The following DNAH10 variants were observed in gnomAD, a reference collection of about 807,000 sequenced individuals.
DNAH10 encodes the protein axonemal beta dynein heavy chain 10.
A neutral mutation model predicts 506.6 loss-of-function variants in DNAH10; 348 were observed. That is an observed-to-expected ratio of 0.69 (90% CI 0.63 to 0.75). The LOEUF is 0.75. DNAH10 is among the 30% of genes least tolerant of loss of function. DNAH10 has a pLI of 0.00. For missense variants in DNAH10, 5,179 were observed against 5,787.1 expected (o/e 0.89, Z 3.41); for synonymous variants, 2,059 against 2,198.6 (o/e 0.94, Z 1.78).
rs191831342 is a variant in DNAH10 at position 123,790,766 on chromosome 12, G to A, written c.1815+645G>A. 7.6e-4 allele frequency among the ~76,000 whole-genome samples: 115 copies of A among 152,286 alleles called. 1 individual carries two copies. Among genetic ancestry groups the A allele is most frequent in the Non-Finnish European group, 1.5e-3 (99 of 68,026 alleles). On this transcript the variant is annotated intron_variant, in intron 11 of 78. Coordinates refer to ENST00000673944, the MANE Select transcript of DNAH10 (RefSeq NM_001372106.1). ...TGATGAACAAAGAGGACAGGAGTGA[G>A]GAAGGAGACTTACTTCAGTAGGCAA...
Position 123,933,456 on chromosome 12 carries a change from C to A in DNAH10, c.13422C>A (p.Phe4474Leu). ...NGWPLDRSTL[F>L]TQVTKFQDAD... ...GGCCACTGGACCGCTCCACCTTGTT[C>A]ACACAAGTGACCAAGTTCCAGGATG... Residue 4474 changes from phenylalanine (F) to leucine (L), a missense_variant, in exon 77 of 79, where the codon TTC becomes TTA. Coordinates refer to ENST00000673944, the MANE Select transcript of DNAH10 (RefSeq NM_001372106.1). 2 of 1,612,610 alleles carry A rather than the reference C, an allele frequency of 1.2e-6. No individual in the cohort carries two copies. The highest frequency in any genetic ancestry group is 1.7e-6 in the Non-Finnish European group (2 of 1,179,580).
At chr12:123,802,974 C>T (rs921090240) in intron 16 of DNAH10, among the ~76,000 whole-genome samples, 1 of 151,998 alleles carries the variant, frequency 6.6e-6, no homozygotes, top group Non-Finnish European at 1.5e-5. Context: ...TCTAGATACT[C>T]GTCTTTTATT....
In DNAH10 at chr12:123,887,331, G is replaced by C; in HGVS notation, c.8995+18G>C. 6.2e-7 allele frequency: 1 copy of C among 1,607,906 alleles called. No homozygotes were observed. Among genetic ancestry groups the C allele is most frequent in the Non-Finnish European group, 8.5e-7 (1 of 1,177,816 alleles). ...GACCTCAGGTACAGCCAAGGCTGGCGCCCGCTGTGGCCAACACCCCGCTCA... is the reference window on the plus strand; with the variant it reads ...GACCTCAGGTACAGCCAAGGCTGGCCCCCGCTGTGGCCAACACCCCGCTCA... On this transcript the variant is annotated intron_variant, in intron 52 of 78. Coordinates refer to ENST00000673944, the MANE Select transcript of DNAH10 (RefSeq NM_001372106.1).
In DNAH10 at chr12:123,935,379, C is replaced by T. The variant is rs750482067; in HGVS notation, c.13668C>T (p.Asn4556=). The change falls in exon 79 of 79, where the codon AAC becomes AAT. Residue 4556 remains asparagine (N), a synonymous_variant. Transcript: ENST00000673944. The part of the protein sequence containing the change: ...TPVYTTSMRR[N]AMGVGLVFEA... The stretch of plus-strand genomic sequence containing the variant: ...TCTACACCACCTCCATGAGAAGGAA[C>T]GCCATGGGAGTCGGCTTGGTTTTTG... 7.8e-5 allele frequency: 125 copies of T among 1,611,566 alleles called. No homozygotes were observed. The highest frequency in any genetic ancestry group is 9.7e-5 in the Non-Finnish European group (114 of 1,177,874).
At chr12:123,793,485 C>T (rs530198974) in intron 11 of DNAH10, among the ~76,000 whole-genome samples, 24 of 151,922 alleles carry the variant, frequency 1.6e-4, no homozygotes, top group Admixed American at 1.3e-4. Flanking sequence ...ACTACAGGCG[C>T]CCACCACCAT....
At chr12:123,831,664 G>A (rs1960558730) in intron 26 of DNAH10, among the ~76,000 whole-genome samples, 1 of 152,172 alleles carries the variant, frequency 6.6e-6, no homozygotes, top group African/African-American at 2.4e-5. Flanking sequence ...AGGCCGAGGA[G>A]GGTGGATCAC....
rs533314912 is a variant in DNAH10 at position 123,845,742 on chromosome 12, C to T, written c.5503C>T (p.Arg1835Trp). The change falls in exon 31 of 79, where the codon CGG (arginine) becomes TGG (tryptophan). Residue 1835 changes from arginine to tryptophan, a missense_variant. Coordinates refer to ENST00000673944, the MANE Select transcript of DNAH10 (RefSeq NM_001372106.1). ...GAAGAACTATGGCAGGAAAATGCAC[C>T]GGCAGATCGATGAGTTGGTAACGCG... ...AMKNYGRKMH[R>W]QIDELVTRIT... 75 of 1,613,820 alleles carry T rather than the reference C, an allele frequency of 4.6e-5. 2 individuals carry two copies. The highest frequency in any genetic ancestry group is 4.5e-4 in the South Asian group (41 of 91,068).
At chr12:123,885,415 A>G (rs539588293) in intron 51 of DNAH10, among the ~76,000 whole-genome samples, 2 of 152,222 alleles carry the variant, frequency 1.3e-5, no homozygotes, top group East Asian at 3.9e-4. Flanking sequence ...TTGTTTTCTT[A>G]TTACTAACAG....
chr12:123,853,364 G>A lies in DNAH10; in HGVS notation c.6438+12G>A, dbSNP rs374994667. On this transcript the variant is annotated intron_variant, in intron 36 of 78. Transcript: ENST00000673944. The surrounding 1 kb of genome is among the most constrained non-coding windows in gnomAD (Gnocchi z 4.7). ...CTGACCTTAGGGAGGTAGGGGCCACGTGCTGGAACATTCTCTGGTTTCAGC... is the reference window on the plus strand; with the variant it reads ...CTGACCTTAGGGAGGTAGGGGCCACATGCTGGAACATTCTCTGGTTTCAGC... The A allele has an allele frequency of 1.0e-5, 16 of 1,606,870 alleles. No homozygotes were observed. Among genetic ancestry groups the A allele is most frequent in the African/African-American group, 9.4e-5 (7 of 74,638 alleles).
intron 32 of DNAH10, among the ~76,000 whole-genome samples, chr12:123,847,248 A>G (rs534465901): frequency 2.7e-5 from 4 of 149,298 alleles, no homozygotes; most frequent in South Asian, 2.1e-4. Flanking sequence ...CTATCTATCT[A>G]TCTATCTATC....
intron 28 of DNAH10, among the ~76,000 whole-genome samples, chr12:123,837,581 CTTT>C (rs558570026): frequency 7.1e-6 from 1 of 141,606 alleles, no homozygotes. Context: ...TATGATTGTT[CTTT>C]TTTTTTTTTA....
chr12:123,801,304 T>C lies in DNAH10; in HGVS notation c.2486T>C (p.Met829Thr). The change falls in exon 16 of 79, where the codon ATG (methionine) becomes ACG (threonine). Residue 829 changes from methionine (M) to threonine (T), a missense_variant. Met to Thr is a moderately conservative substitution (Grantham distance 81). Transcript: ENST00000673944. Reference protein sequence around the residue: ...FLRYTAGIQRMLDHYHMLIGT... With the variant: ...FLRYTAGIQRTLDHYHMLIGT... ...AGGTACACAGCTGGGATACAGCGCA[T>C]GTTGGATCATTATCACATGCTCATA... 6.2e-7 allele frequency: 1 copy of C among 1,614,152 alleles called. No individual in the cohort carries two copies. The highest frequency in any genetic ancestry group is 8.5e-7 in the Non-Finnish European group (1 of 1,180,006).
intron 51 of DNAH10, among the ~76,000 whole-genome samples, chr12:123,886,031 A>G (rs558607205): frequency 2.0e-5 from 3 of 152,368 alleles, no homozygotes; most frequent in African/African-American, 4.8e-5. Flanking sequence ...GGGAAAAACT[A>G]ATATGCTTGA....
intron 19 of DNAH10, among the ~76,000 whole-genome samples, chr12:123,809,651 AAAC>A (rs146942558): frequency 1.1e-4 from 17 of 150,986 alleles, no homozygotes; most frequent in South Asian, 4.2e-4. Flanking sequence ...CGTGTCTCTA[AAAC>A]AACAACAACA....
intron 45 of DNAH10, 32 bp downstream of exon 45, chr12:123,871,634 C>T (rs1952041514): frequency 6.5e-7 from 1 of 1,541,214 alleles, no homozygotes; most frequent in Non-Finnish European, 8.7e-7. Flanking sequence ...TTATCTATTG[C>T]TGTGTAACAA....
intron 67 of DNAH10, 127 bp from the exon 68 acceptor site, chr12:123,924,923 G>A (rs1954874674): frequency 1.6e-6 from 2 of 1,217,910 alleles, no homozygotes; most frequent in Non-Finnish European, 2.3e-6. Context: ...ATCTGACCAG[G>A]TGGCCTTCAG....
rs763303119 is a variant in DNAH10, at chr12:123,914,305, A to C, written c.10353-24A>C. 4 of 1,597,588 alleles carry C rather than the reference A, an allele frequency of 2.5e-6. No individual in the cohort carries two copies. In the South Asian group the frequency reaches 4.5e-5, roughly 18 times the overall value. On this transcript the variant is annotated intron_variant, in intron 60 of 78. Transcript: ENST00000673944. ...TGTGGCCAGAAGGTAAACTCACGGC[A>C]GCCTCCCTCTCCTCCCGTGCCAGGT...
chr12:123,924,170 T>C (rs985038217), intron 66 of DNAH10, 108 bp from the exon 67 acceptor site: 1 of 1,401,048 alleles, frequency 7.1e-7, no homozygotes. Context: ...GTTTCCAGTC[T>C]CCTTCTTGAA....
chr12:123,933,553 ATT>A, intron 77 of DNAH10, 42 bp downstream of exon 77: 1 of 1,536,844 alleles, frequency 6.5e-7, no homozygotes, highest in Non-Finnish European at 8.8e-7. Flanking sequence ...CTCACTTAGG[ATT>A]TCTCTCCCTG....
Sources: gnomAD v4.1 joint callset for allele counts (sites outside exome capture counted in the v4.1 genomes callset) on GRCh38, gnomAD v4.1.1 for gene constraint, Gnocchi (gnomAD v3.1) non-coding constraint, MANE v1.5 for transcripts, NCBI Gene and HGNC (gene_info 2026-07-23, HGNC 2026-07-21) for gene names.